Variants in KCTD20 observed in about 807,000 individuals in gnomAD.
KCTD20 encodes potassium channel tetramerization domain containing 20, also known as BTB/POZ domain-containing protein KCTD20.
KCTD20 carries 30 observed loss-of-function variants against 39.6 expected under a neutral mutation model. The observed-to-expected ratio is 0.76, with a 90% CI of 0.57 to 1.03. The LOEUF (loss-of-function observed/expected upper bound fraction) is 1.03, where lower values mean the gene tolerates loss of function less well. KCTD20 is among the 50% of genes least tolerant of loss of function. The probability of loss-of-function intolerance (pLI) is 0.00; values close to 1 mark genes in which losing one functional copy is unlikely to be tolerated. For synonymous variants in KCTD20, 162 were observed against 180.6 expected, an observed-to-expected ratio of 0.90 and a Z score of 0.83; for missense variants, 422 against 522.0, an observed-to-expected ratio of 0.81 and a Z score of 1.87.
intron 1 of KCTD20, among the ~76,000 whole-genome samples, chr6:36,449,126 G>A (rs140267373): frequency 2.2e-4 from 34 of 152,288 alleles, no homozygotes; most frequent in Admixed American, 1.6e-3. Flanking sequence ...GGTTCTGAGC[G>A]GGCTGCTGCT....
At chr6:36,481,812 G>C (rs1285391655) in intron 6 of KCTD20, 53 bp downstream of exon 6, 2 of 1,454,258 alleles carry the variant, frequency 1.4e-6, no homozygotes, top group Admixed American at 3.5e-5. Flanking sequence ...TTGCTACCTG[G>C]AGTAGCAGCT....
intron 6 of KCTD20, among the ~76,000 whole-genome samples, chr6:36,483,567 A>G (rs1776328268): frequency 6.6e-6 from 1 of 151,750 alleles, no homozygotes; most frequent in Non-Finnish European, 1.5e-5. Context: ...CAGGCTGGAG[A>G]GCAGTGGTGC....
rs551436189 is a variant in KCTD20, at chr6:36,490,140, C to G, written c.*2965C>G. 3 of 152,296 alleles carry G rather than the reference C, an allele frequency of 2.0e-5. No individual in the cohort carries two copies. In the South Asian group the frequency reaches 6.2e-4, roughly 32 times the overall value. 9.4% of individuals were successfully genotyped at this position (152,296 alleles called of 1,614,324 possible). ...TTGCAAATAAGTTGCCCAAAGGGTC[C>G]CCCTCTAAGTAAAACAAATATTCAG... On this transcript the variant is annotated 3_prime_UTR_variant, in exon 8 of 8. Transcript: ENST00000373731.
chr6:36,482,990 G>T (rs1776300739), intron 6 of KCTD20, among the ~76,000 whole-genome samples: 1 of 149,826 alleles, frequency 6.7e-6, no homozygotes, highest in Non-Finnish European at 1.5e-5. Context: ...GGTGGCCCAT[G>T]CCTGTAATCC....
Position 36,479,192 on chromosome 6 carries a change from G to A in KCTD20, c.506G>A (p.Gly169Asp). 2.5e-6 allele frequency: 4 copies of A among 1,613,928 alleles called. No individual in the cohort carries two copies. Among genetic ancestry groups the A allele is most frequent in the Non-Finnish European group, 3.4e-6 (4 of 1,179,842 alleles). The change falls in exon 4 of 8, where the codon GGC becomes GAC. Residue 169 changes from glycine (G) to aspartate (D), a missense_variant. Gly to Asp is a moderately conservative substitution (Grantham distance 94, BLOSUM62 -1). Transcript: ENST00000373731. ...AAGGGAGAGTATGAGATTGCTGAAG[G>A]CATCAGTGCAACTGTATTTCGCACA... ...NEKGEYEIAE[G>D]ISATVFRTVL...
At chr6:36,453,954 G>A (rs79133352) in intron 1 of KCTD20, among the ~76,000 whole-genome samples, 5,014 of 152,252 alleles carry the variant, frequency 0.033, 142 homozygotes, top group South Asian at 0.11. Flanking sequence ...TTATTCAGAA[G>A]TGTGTTGCTT....
chr6:36,483,263 CTTTTTTTTTTTT>C (rs766717414), intron 6 of KCTD20, among the ~76,000 whole-genome samples: 1 of 76,728 alleles, frequency 1.3e-5, no homozygotes. Flanking sequence ...GTGGCTTTTT[CTTTTTTTTTTTT>C]TTTTTTTTTT....
chr6:36,450,163 TAAAAAA>T (rs576681021), intron 1 of KCTD20, among the ~76,000 whole-genome samples: 1 of 105,870 alleles, frequency 9.4e-6, no homozygotes, highest in Non-Finnish European at 1.7e-5. Flanking sequence ...GACTCCGTCC[TAAAAAA>T]AAAAAAAAAA....
At chr6:36,482,732 G>T (rs1235236781) in intron 6 of KCTD20, among the ~76,000 whole-genome samples, 5 of 152,026 alleles carry the variant, frequency 3.3e-5, no homozygotes, top group African/African-American at 1.2e-4. Flanking sequence ...GATTGCTTGA[G>T]GTCAAGAGTT....
chr6:36,485,257 T>G (rs1374674862), intron 7 of KCTD20, among the ~76,000 whole-genome samples: 1 of 152,102 alleles, frequency 6.6e-6, no homozygotes, highest in Non-Finnish European at 1.5e-5. Context: ...ATCCCAGCAC[T>G]TTGGGATACC....
intron 3 of KCTD20, among the ~76,000 whole-genome samples, chr6:36,475,761 T>TAAAA (rs10644956): frequency 0.28 from 42,008 of 151,526 alleles, 6,701 homozygotes; most frequent in African/African-American, 0.44. Context: ...AAAAAAAAAA[T>TAAAA]AACAGTATTA....
intron 5 of KCTD20, among the ~76,000 whole-genome samples, chr6:36,481,097 G>A (rs1217780910): frequency 6.6e-6 from 1 of 152,094 alleles, no homozygotes; most frequent in African/African-American, 2.4e-5. Context: ...CCTGCATGTT[G>A]CATGAAAGCC....
rs1700821771 is a variant in KCTD20, at chr6:36,479,116, T to C, written c.435-5T>C. 1.3e-6 allele frequency: 2 copies of C among 1,588,100 alleles called. No homozygotes were observed. The highest frequency in any genetic ancestry group is 1.3e-5 in the African/African-American group (1 of 74,238). Reference sequence around the variant, plus strand: ...AGATAACATTATTGCCTGGATATCTTTCAGGATGTTTGGACCAGGAAGAGA... The same window carrying C: ...AGATAACATTATTGCCTGGATATCTCTCAGGATGTTTGGACCAGGAAGAGA... On this transcript the variant is annotated splice_polypyrimidine_tract_variant and splice_region_variant and intron_variant, in intron 3 of 7. Transcript: ENST00000373731.
In KCTD20 at chr6:36,490,543, GA is replaced by G. The variant is rs59123927; in HGVS notation, c.*3379del. The stretch of plus-strand genomic sequence containing the variant: ...CAGAGCAAGACTCCATCTCAAAAAA[GA>G]AAAAAAAAAATTAAAGGTTTTGGCT... On this transcript the variant is annotated 3_prime_UTR_variant, in exon 8 of 8. Transcript: ENST00000373731. 0.28 allele frequency: 41,150 copies of G among 146,230 alleles called. 6,354 individuals carry two copies. Among genetic ancestry groups the G allele is most frequent in the African/African-American group, 0.42 (16,994 of 40,014 alleles). The allele number at this position is 146,230 out of a possible 1,614,324, so 9.1% of individuals were successfully genotyped here.
rs771687958 is a variant in KCTD20, at chr6:36,449,337, TA to T, written c.-47+6227del. ...CACAGAGCACTGATTGGTGCGTTTTTACAGAGTGCTGATTGGTGCATTTACA... is the reference window on the plus strand; with the variant it reads ...CACAGAGCACTGATTGGTGCGTTTTTCAGAGTGCTGATTGGTGCATTTACA... On this transcript the variant is annotated intron_variant, in intron 1 of 7. Transcript: ENST00000373731. Among the ~76,000 whole-genome samples, 13 of 151,398 alleles carry T rather than the reference TA, an allele frequency of 8.6e-5. No individual in the cohort carries two copies. In the East Asian group the frequency reaches 2.2e-3, roughly 25 times the overall value.
At chr6:36,483,373 C>T (rs765579237) in intron 6 of KCTD20, among the ~76,000 whole-genome samples, 13 of 150,204 alleles carry the variant, frequency 8.7e-5, no homozygotes, top group Admixed American at 5.3e-4. Flanking sequence ...CCACCACGTC[C>T]GGCTAATTTT....
At chr6:36,462,579 T>C (rs1011057188) in intron 1 of KCTD20, among the ~76,000 whole-genome samples, 3 of 152,216 alleles carry the variant, frequency 2.0e-5, no homozygotes, top group Non-Finnish European at 2.9e-5. Flanking sequence ...TTTTAACAAG[T>C]TCCTCTAAGT....
intron 5 of KCTD20, 71 bp downstream of exon 5, chr6:36,479,782 T>TTC (rs1776186961): frequency 6.9e-6 from 1 of 145,394 alleles, no homozygotes; most frequent in African/African-American, 1.1e-4. Flanking sequence ...GTCACCGATT[T>TTC]TTTTTTTTTT....
Position 36,463,978 on chromosome 6 carries a change from G to GA in KCTD20, c.-46-6071dup, listed in dbSNP as rs1775671645. On this transcript the variant is annotated intron_variant, in intron 1 of 7. Transcript: ENST00000373731. The stretch of plus-strand genomic sequence containing the variant: ...CCATGTAAATGTTTTACATATTCAG[G>GA]AAATACATTTTAAAAATAATGGGAA... Among the ~76,000 whole-genome samples the GA allele has an allele frequency of 2.0e-5, 3 of 152,036 alleles. No individual in the cohort carries two copies. In the South Asian group the frequency reaches 6.2e-4, roughly 32 times the overall value.
Sources: gnomAD v4.1 joint callset for allele counts (sites outside exome capture counted in the v4.1 genomes callset) on GRCh38, gnomAD v4.1.1 for gene constraint, MANE v1.5 for transcripts, NCBI Gene and HGNC (gene_info 2026-07-23, HGNC 2026-07-21) for gene names.